The following AGO2 variants were observed in gnomAD, a reference collection of about 807,000 sequenced individuals.
AGO2 encodes protein argonaute-2.
Under a neutral mutation model 102.3 loss-of-function variants are expected in AGO2, and 5 were observed. That is an observed-to-expected ratio of 0.05 (90% CI 0.03 to 0.10). The LOEUF is 0.10. AGO2 is among the 10% of genes least tolerant of loss of function. AGO2 has a pLI of 1.00. For missense variants in AGO2, 541 were observed against 1,183.7 expected (o/e 0.46, Z 7.97); for synonymous variants, 449 against 473.1 (o/e 0.95, Z 0.66).
At chr8:140,597,352 G>A (rs1044517668) in intron 1 of AGO2, among the ~76,000 whole-genome samples, 7 of 152,236 alleles carry the variant, frequency 4.6e-5, no homozygotes, top group East Asian at 1.9e-4. Flanking sequence ...GCAGGGCAGC[G>A]TGGGCAGCGG....
chr8:140,572,803 C>A lies in AGO2; in HGVS notation c.336+9G>T. 5 of 1,607,774 alleles carry A rather than the reference C, an allele frequency of 3.1e-6. No homozygotes were observed. Among genetic ancestry groups the A allele is most frequent in the Middle Eastern group, 1.7e-4 (1 of 6,012 alleles). On this transcript the variant is annotated intron_variant, in intron 3 of 18. Coordinates refer to ENST00000220592, the MANE Select transcript of AGO2 (RefSeq NM_012154.5). ...TGTTACTCCACCAAGGGCATCCCGG[C>A]GAGCTTACCTTGTCCCTCCCAATCG...
Position 140,528,654 on chromosome 8 carries a change from C to G in AGO2, c.*3390G>C, listed in dbSNP as rs2132844586. The G allele has an allele frequency of 6.6e-6, 1 of 152,262 alleles. No homozygotes were observed. Among genetic ancestry groups the G allele is most frequent in the South Asian group, 2.1e-4 (1 of 4,826 alleles). The allele number at this position is 152,262 out of a possible 1,614,324, so 9.4% of individuals were successfully genotyped here. On this transcript the variant is annotated 3_prime_UTR_variant, in exon 19 of 19. Transcript: ENST00000220592. This position sits in a 1 kb window ranked among gnomAD's most constrained non-coding sequence, Gnocchi z 4.5. ...TCATCTGGAAAAGAAAAGGGAGACC[C>G]TGATGTGCAATCAAAAGGCTGCATG...
chr8:140,549,854 C>A (rs561308248), intron 11 of AGO2, among the ~76,000 whole-genome samples: 62 of 152,306 alleles, frequency 4.1e-4, no homozygotes, highest in Non-Finnish European at 1.6e-4. Context: ...CAACGGCTAG[C>A]CTTGTGAAGC....
chr8:140,591,346 G>T (rs186553523), intron 1 of AGO2, among the ~76,000 whole-genome samples: 223 of 152,334 alleles, frequency 1.5e-3, no homozygotes, highest in African/African-American at 4.6e-3. Context: ...AGAAGGTGCT[G>T]GGCAAGGACA....
In AGO2 at chr8:140,539,293, C is replaced by A; in HGVS notation, c.2169+27G>T. 6.3e-7 allele frequency: 1 copy of A among 1,582,810 alleles called. No homozygotes were observed. Among genetic ancestry groups the A allele is most frequent in the African/African-American group, 1.3e-5 (1 of 74,262 alleles). On this transcript the variant is annotated intron_variant, in intron 16 of 18. Coordinates refer to ENST00000220592, the MANE Select transcript of AGO2 (RefSeq NM_012154.5). This position sits in a 1 kb window ranked among gnomAD's most constrained non-coding sequence, Gnocchi z 4.7. ...TGGGGCTGAGGGGAGAACCGTGCCC[C>A]CTGCCTGGAGTCATGCAGAAACTCA... is the stretch of plus-strand genomic sequence containing the variant.
chr8:140,548,407 A>G (rs2072939384), intron 12 of AGO2, among the ~76,000 whole-genome samples: 1 of 152,030 alleles, frequency 6.6e-6, no homozygotes, highest in Non-Finnish European at 1.5e-5. Context: ...GGTTAAAAAT[A>G]AAAACACTGG....
rs2977471 is a variant in AGO2 at position 140,539,374 on chromosome 8, G to A, written c.2115C>T (p.Ile705=). ...EKDYQPGITF[I]VVQKRHHTRL... Reference sequence around the variant, plus strand: ...GGGTGTGGTGCCTCTTCTGCACCACGATGAAGGTGATCCCGGGCTGGTAGT... The same window carrying A: ...GGGTGTGGTGCCTCTTCTGCACCACAATGAAGGTGATCCCGGGCTGGTAGT... Residue 705 remains isoleucine (I), a synonymous_variant, in exon 16 of 19, where the codon ATC becomes ATT. Coordinates refer to ENST00000220592, the MANE Select transcript of AGO2 (RefSeq NM_012154.5). This position sits in a 1 kb window ranked among gnomAD's most constrained non-coding sequence, Gnocchi z 4.7. 5.6e-6 allele frequency: 9 copies of A among 1,614,090 alleles called. No homozygotes were observed. Among genetic ancestry groups the A allele is most frequent in the South Asian group, 5.5e-5 (5 of 91,070 alleles).
intron 2 of AGO2, among the ~76,000 whole-genome samples, chr8:140,580,540 T>G (rs1227777059): frequency 1.3e-5 from 2 of 152,136 alleles, no homozygotes; most frequent in African/African-American, 4.8e-5. Context: ...CGTCTCCCTT[T>G]CCACTCGGAG....
intron 2 of AGO2, 109 bp from the exon 3 acceptor site, chr8:140,573,041 C>CTCTT (rs2073408759): frequency 2.2e-6 from 3 of 1,335,944 alleles, no homozygotes; most frequent in Non-Finnish European, 3.0e-6. Flanking sequence ...TGGAGTCTTG[C>CTCTT]TCTTGTGGCC....
chr8:140,579,695 A>G (rs2073524846), intron 2 of AGO2, among the ~76,000 whole-genome samples: 1 of 151,414 alleles, frequency 6.6e-6, no homozygotes, highest in Non-Finnish European at 1.5e-5. Context: ...TAGTCATCCT[A>G]TACATCTCCT....
Position 140,539,449 on chromosome 8 carries a change from G to C in AGO2, c.2040C>G (p.Leu680=), listed in dbSNP as rs1347571512. Residue 680 remains leucine (L), a synonymous_variant, in exon 16 of 19, where the codon CTC becomes CTG. Coordinates refer to ENST00000220592, the MANE Select transcript of AGO2 (RefSeq NM_012154.5). This position sits in a 1 kb window ranked among gnomAD's most constrained non-coding sequence, Gnocchi z 4.7. ...GVSEGQFQQV[L]HHELLAIREA... is the part of the protein sequence containing the mutation. The stretch of plus-strand genomic sequence containing the variant: ...CACGGATGGCCAGCAACTCGTGGTG[G>C]AGAACCTAGGGGTACGGGAGGGAGG... 1.2e-6 allele frequency: 2 copies of C among 1,612,790 alleles called. No individual in the cohort carries two copies. Among genetic ancestry groups the C allele is most frequent in the African/African-American group, 2.7e-5 (2 of 74,870 alleles).
At chr8:140,574,743 T>C (rs948665822) in intron 2 of AGO2, among the ~76,000 whole-genome samples, 12 of 151,820 alleles carry the variant, frequency 7.9e-5, no homozygotes, top group African/African-American at 2.9e-4. Context: ...AAATGCCAGC[T>C]CAGGGGATGT....
Position 140,525,499 on chromosome 8 carries a change from CAG to C in AGO2, c.*6543_*6544del, listed in dbSNP as rs1404374764. On this transcript the variant is annotated 3_prime_UTR_variant, in exon 19 of 19. Transcript: ENST00000220592. Reference sequence around the variant, plus strand: ...TGGCGGCAGAATTACAAAACATTCTCAGAGAGACTGCAAAGGACACTTAGCTC... The same window carrying C: ...TGGCGGCAGAATTACAAAACATTCTCAGAGACTGCAAAGGACACTTAGCTC... The C allele has an allele frequency of 6.6e-6, 1 of 152,246 alleles. No individual in the cohort carries two copies. The highest frequency in any genetic ancestry group is 2.4e-5 in the African/African-American group (1 of 41,448). 9.4% of individuals were successfully genotyped at this position (152,246 alleles called of 1,614,324 possible). A position where few individuals can be genotyped will look rare whatever the true frequency, so the allele number is the denominator to read the frequency against.
intron 1 of AGO2, among the ~76,000 whole-genome samples, chr8:140,629,040 G>A (rs536353885): frequency 1.3e-4 from 20 of 151,834 alleles, no homozygotes; most frequent in Non-Finnish European, 2.2e-4. Context: ...GCAGTGGGTC[G>A]ACATTGCGCC....
At chr8:140,566,851 C>T (rs2073295572) in intron 3 of AGO2, among the ~76,000 whole-genome samples, 1 of 152,304 alleles carries the variant, frequency 6.6e-6, no homozygotes, top group African/African-American at 2.4e-5. Flanking sequence ...AGTAGCCGGT[C>T]GCTGAGAAGG....
Position 140,597,468 on chromosome 8 carries a change from C to CT in AGO2, c.23-12158_23-12157insA, listed in dbSNP as rs2073863162. Among the ~76,000 whole-genome samples the CT allele has an allele frequency of 6.9e-5, 2 of 28,822 alleles. 1 individual carries two copies. Among genetic ancestry groups the CT allele is most frequent in the Non-Finnish European group, 1.6e-4 (2 of 12,480 alleles). The allele number at this position is 28,822 out of a possible 152,430, so 18.9% of individuals were successfully genotyped here. A position where few individuals can be genotyped will look rare whatever the true frequency, so the allele number is the denominator to read the frequency against. ...CGGACACCGATGGGGGCTGGGTGGC[C>CT]CCCCCACCCCCCCCCCCCCGCCCCA... On this transcript the variant is annotated intron_variant, in intron 1 of 18. Transcript: ENST00000220592.
Position 140,560,506 on chromosome 8 carries a change from T to C in AGO2, c.523A>G (p.Thr175Ala), listed in dbSNP as rs755434760. The C allele has an allele frequency of 6.2e-7, 1 of 1,611,830 alleles. No homozygotes were observed. The highest frequency in any genetic ancestry group is 1.1e-5 in the South Asian group (1 of 90,976). Reference sequence around the variant, plus strand: ...GTGAAGAAGGAGCGGCCCACGGGGGTGTACCTGGAACCAAGAGACCCCACC... The same window carrying C: ...GTGAAGAAGGAGCGGCCCACGGGGGCGTACCTGGAACCAAGAGACCCCACC... Reference protein sequence around the residue: ...VMRHLPSMRYTPVGRSFFTAS... With the variant: ...VMRHLPSMRYAPVGRSFFTAS... Residue 175 changes from threonine (T) to alanine (A), a missense_variant, in exon 5 of 19, where the codon ACC becomes GCC. Physicochemically the swap from Thr to Ala is moderately conservative, Grantham distance 58. This residue lies in a region of AGO2 where 26 missense variants were observed against 52.0 expected (regional missense o/e 0.50). Coordinates refer to ENST00000220592, the MANE Select transcript of AGO2 (RefSeq NM_012154.5).
In AGO2 at chr8:140,557,312, G is replaced by C; in HGVS notation, c.879-76C>G. ...CCTGCGCTGCTTTTCATTTGCGTTT[G>C]CTTTTTAGGGTGACGTGTGAGGAGC... On this transcript the variant is annotated intron_variant, in intron 7 of 18. Transcript: ENST00000220592. This position sits in a 1 kb window ranked among gnomAD's most constrained non-coding sequence, Gnocchi z 5.9. 1 of 1,510,028 alleles carries C rather than the reference G, an allele frequency of 6.6e-7. No homozygotes were observed. The highest frequency in any genetic ancestry group is 8.9e-7 in the Non-Finnish European group (1 of 1,126,882). The allele number at this position is 1,510,028 out of a possible 1,614,324, so 93.5% of individuals were successfully genotyped here.
chr8:140,538,708 T>C (rs1444306765), intron 16 of AGO2, among the ~76,000 whole-genome samples: 1 of 152,180 alleles, frequency 6.6e-6, no homozygotes, highest in African/African-American at 2.4e-5. Flanking sequence ...CATGCTGTGG[T>C]TTCTAACTGG....
Sources: gnomAD v4.1 joint callset for allele counts (sites outside exome capture counted in the v4.1 genomes callset) on GRCh38, gnomAD v4.1.1 for gene constraint, gnomAD v4.1.1 regional missense constraint, Gnocchi (gnomAD v3.1) non-coding constraint, MANE v1.5 for transcripts, NCBI Gene and HGNC (gene_info 2026-07-23, HGNC 2026-07-21) for gene names.